IL23R: variants seen among roughly 807,000 people sequenced by gnomAD.
The protein encoded by IL23R is interleukin 23 receptor.
IL23R carries 34 observed loss-of-function variants against 56.9 expected under a neutral mutation model. That is an observed-to-expected ratio of 0.60 (90% confidence interval 0.45 to 0.80). The LOEUF is 0.80. IL23R is among the 30% of genes least tolerant of loss of function. The probability of loss-of-function intolerance (pLI) is 0.00; values close to 1 mark genes in which losing one functional copy is unlikely to be tolerated. For missense variants in IL23R, 635 were observed against 730.0 expected (o/e 0.87, Z 1.50); for synonymous variants, 230 against 249.2 (o/e 0.92, Z 0.73).
rs184706405 is a variant in IL23R at position 67,244,235 on chromosome 1, C to A, written c.1148+3954C>A. Among the ~76,000 whole-genome samples the A allele has an allele frequency of 6.9e-3, 1,051 of 152,188 alleles. 9 individuals are homozygous for A. Among genetic ancestry groups the A allele is most frequent in the African/African-American group, 0.024 (980 of 41,510 alleles). ...AGCCCTTTGTCAGATGGGTAGATTG[C>A]AAAAATTTTCTCCCATACTCTAGGT... On this transcript the variant is annotated intron_variant, in intron 9 of 10. Coordinates refer to ENST00000347310, the MANE Select transcript of IL23R (RefSeq NM_144701.3).
intron 1 of IL23R, among the ~76,000 whole-genome samples, chr1:67,155,121 A>C (rs1455098638): frequency 6.6e-6 from 1 of 151,828 alleles, no homozygotes; most frequent in Non-Finnish European, 1.5e-5. Context: ...ACTGGCCCCC[A>C]CTCTCTTCTG....
chr1:67,229,365 G>T (rs1656318156), intron 7 of IL23R, among the ~76,000 whole-genome samples: 1 of 152,206 alleles, frequency 6.6e-6, no homozygotes, highest in African/African-American at 2.4e-5. Context: ...CAAGGCATGT[G>T]GGGAGGGGCA....
chr1:67,264,330 G>A (rs1429159165), downstream of IL23R, among the ~76,000 whole-genome samples: 1 of 152,186 alleles, frequency 6.6e-6, no homozygotes, highest in Non-Finnish European at 1.5e-5. Context: ...ATACTGTGTT[G>A]TGAACATAAT....
At chr1:67,185,555 A>C (rs1221050877) in intron 4 of IL23R, among the ~76,000 whole-genome samples, 2 of 152,108 alleles carry the variant, frequency 1.3e-5, no homozygotes, top group Non-Finnish European at 2.9e-5. Flanking sequence ...CAATTCTCCC[A>C]GCCACCAAGC....
chr1:67,255,787 T>C (rs755241253), intron 9 of IL23R, 50 bp from the exon 10 acceptor site: 4 of 922,342 alleles, frequency 4.3e-6, no homozygotes, highest in Non-Finnish European at 7.2e-6. Context: ...GACTTCCTAA[T>C]CTCCTATATG....
intron 1 of IL23R, among the ~76,000 whole-genome samples, chr1:67,160,948 T>A (rs1056961480): frequency 6.6e-6 from 1 of 152,184 alleles, no homozygotes; most frequent in African/African-American, 2.4e-5. Context: ...CAAGAGTGAA[T>A]CAATAAAACC....
intron 7 of IL23R, among the ~76,000 whole-genome samples, chr1:67,222,479 G>C (rs1263120706): frequency 6.6e-6 from 1 of 152,102 alleles, no homozygotes; most frequent in Non-Finnish European, 1.5e-5. Context: ...AAGGTATTCT[G>C]TCAAGTTGAT....
intron 1 of IL23R, among the ~76,000 whole-genome samples, chr1:67,149,171 G>A (rs1483982612): frequency 6.6e-6 from 1 of 152,156 alleles, no homozygotes; most frequent in African/African-American, 2.4e-5. Context: ...CCTGTCATCA[G>A]TTAGTCCAGA....
In IL23R at chr1:67,200,810, G is replaced by A; in HGVS notation, c.565G>A (p.Gly189Ser). 1 of 1,614,014 alleles carries A rather than the reference G, an allele frequency of 6.2e-7. No homozygotes were observed. The highest frequency in any genetic ancestry group is 8.5e-7 in the Non-Finnish European group (1 of 1,179,968). The change falls in exon 5 of 11, where the codon GGC (glycine) becomes AGC (serine). Residue 189 changes from glycine (G) to serine (S), a missense_variant. Coordinates refer to ENST00000347310, the MANE Select transcript of IL23R (RefSeq NM_144701.3). The stretch of plus-strand genomic sequence containing the variant: ...CATCTCCACTGATTCATTACAAGGT[G>A]GCAAGAAGTACTTGGTTTGGGTCCA... ...INISTDSLQGGKKYLVWVQAA... is the reference protein window; with the variant it reads ...INISTDSLQGSKKYLVWVQAA...
intron 7 of IL23R, among the ~76,000 whole-genome samples, chr1:67,224,558 CT>C: frequency 6.6e-6 from 1 of 152,228 alleles, no homozygotes; most frequent in Non-Finnish European, 1.5e-5. Flanking sequence ...CCTCGGCATT[CT>C]TATTCTTTTC....
chr1:67,186,631 C>A (rs1319298862), intron 4 of IL23R, among the ~76,000 whole-genome samples: 4 of 152,118 alleles, frequency 2.6e-5, no homozygotes, highest in Non-Finnish European at 4.4e-5. Context: ...AGTATAATGT[C>A]TTCAAGGTTA....
intron 6 of IL23R, among the ~76,000 whole-genome samples, chr1:67,215,896 C>A (rs919880781): frequency 1.3e-5 from 2 of 152,050 alleles, no homozygotes; most frequent in Non-Finnish European, 2.9e-5. Context: ...ATTATTTTTT[C>A]TGCCAATTCC....
intron 1 of IL23R, among the ~76,000 whole-genome samples, chr1:67,148,806 AG>A (rs1475743137): frequency 6.6e-6 from 1 of 152,150 alleles, no homozygotes; most frequent in Non-Finnish European, 1.5e-5. Flanking sequence ...TGGCTTGGTC[AG>A]GCAGTAGCAG....
intron 1 of IL23R, among the ~76,000 whole-genome samples, chr1:67,146,364 G>T (rs1250793467): frequency 6.6e-6 from 1 of 152,102 alleles, no homozygotes; most frequent in Non-Finnish European, 1.5e-5. Flanking sequence ...ACACGGGTGT[G>T]GTCTCAGGTT....
At chr1:67,264,905 G>A (rs1653295291), downstream of IL23R, among the ~76,000 whole-genome samples, 3 of 152,198 alleles carry the variant, frequency 2.0e-5, no homozygotes, top group South Asian at 6.2e-4. Flanking sequence ...TTTGTCTGGG[G>A]TAGTAAAAGT....
Position 67,259,960 on chromosome 1 carries a change from G to A in IL23R, c.*832G>A, listed in dbSNP as rs1451384184. 1.4e-5 allele frequency: 1 copy of A among 69,588 alleles called. No homozygotes were observed. The highest frequency in any genetic ancestry group is 2.4e-5 in the Non-Finnish European group (1 of 41,136). 4.3% of individuals were successfully genotyped at this position (69,588 alleles called of 1,614,324 possible). A position where few individuals can be genotyped will look rare whatever the true frequency, so the allele number is the denominator to read the frequency against. ...GCCTGGGCAACAAGAGCAAAACTCT[G>A]TCTGGAAAAAAAAAAAAAAAAAAAA... On this transcript the variant is annotated 3_prime_UTR_variant, in exon 11 of 11. Transcript: ENST00000347310.
At chr1:67,210,481 G>A (rs1277014664) in intron 6 of IL23R, among the ~76,000 whole-genome samples, 1 of 148,094 alleles carries the variant, frequency 6.8e-6, no homozygotes, top group Non-Finnish European at 1.5e-5. Flanking sequence ...TTTTTTTTTA[G>A]AGATAGACTC....
rs1374749464 is a variant in IL23R at position 67,171,822 on chromosome 1, G to A, written c.367+2184G>A. ...TACATTTTATTTAACACCACCTTCC[G>A]TGTGTTGCAGTTTGTATAACTGATT... On this transcript the variant is annotated intron_variant, in intron 3 of 10. Coordinates refer to ENST00000347310, the MANE Select transcript of IL23R (RefSeq NM_144701.3). Among the ~76,000 whole-genome samples, 7 of 152,108 alleles carry A rather than the reference G, an allele frequency of 4.6e-5. No individual in the cohort carries two copies. In the South Asian group the frequency reaches 6.2e-4, roughly 14 times the overall value.
intron 7 of IL23R, among the ~76,000 whole-genome samples, chr1:67,226,665 G>A (rs1650641049): frequency 2.0e-5 from 3 of 152,200 alleles, no homozygotes; most frequent in African/African-American, 7.2e-5. Context: ...AAACAAGAAT[G>A]CCTGCTTCTA....
Sources: gnomAD v4.1 joint callset for allele counts (sites outside exome capture counted in the v4.1 genomes callset) on GRCh38, gnomAD v4.1.1 for gene constraint, MANE v1.5 for transcripts, NCBI Gene and HGNC (gene_info 2026-07-23, HGNC 2026-07-21) for gene names.